CDIN1: variants seen among roughly 807,000 people sequenced by gnomAD.
CDIN1 encodes CDAN1-interacting nuclease 1.
Under a neutral mutation model 45.3 loss-of-function variants are expected in CDIN1, and 33 were observed. The observed-to-expected ratio is 0.73, with a 90% CI of 0.55 to 0.97. CDIN1 has a LOEUF of 0.97. Ranked by LOEUF, CDIN1 falls within the 50% of genes least tolerant of loss-of-function variation. The pLI, the probability that CDIN1 is intolerant of heterozygous loss-of-function variation, is 0.00. For synonymous variants in CDIN1, 118 were observed against 124.4 expected, an observed-to-expected ratio of 0.95 and a Z score of 0.34; for missense variants, 303 against 339.4, an observed-to-expected ratio of 0.89 and a Z score of 0.84.
intron 10 of CDIN1, among the ~76,000 whole-genome samples, chr15:36,741,163 A>G (rs1219060710): frequency 6.6e-6 from 1 of 152,136 alleles, no homozygotes; most frequent in Non-Finnish European, 1.5e-5. Flanking sequence ...GTGACAATTA[A>G]TTCTGTAGTT....
intron 10 of CDIN1, among the ~76,000 whole-genome samples, chr15:36,731,455 G>A (rs1242338513): frequency 6.6e-6 from 1 of 151,982 alleles, no homozygotes; most frequent in Non-Finnish European, 1.5e-5. Flanking sequence ...CTGCATCACC[G>A]ATCTTTTTGA....
At chr15:36,695,987 T>C (rs1267704732) in intron 7 of CDIN1, among the ~76,000 whole-genome samples, 2 of 152,226 alleles carry the variant, frequency 1.3e-5, no homozygotes, top group African/African-American at 4.8e-5. Flanking sequence ...ATAATTTTAA[T>C]ACTTTTTGAG....
intron 3 of CDIN1, among the ~76,000 whole-genome samples, chr15:36,646,202 G>A (rs1326272664): frequency 6.6e-6 from 1 of 152,080 alleles, no homozygotes; most frequent in Non-Finnish European, 1.5e-5. Flanking sequence ...TGATTTTTAT[G>A]CATAAAAATT....
In CDIN1 at chr15:36,734,332, A is replaced by T. The variant is rs75922717; in HGVS notation, c.716+24371A>T. The T allele has an allele frequency of 5.6e-3, 2,387 of 425,660 alleles. 60 individuals are homozygous for T. The highest frequency in any genetic ancestry group is 0.045 in the African/African-American group (2,193 of 48,210). The allele number at this position is 425,660 out of a possible 1,614,324, so 26.4% of individuals were successfully genotyped here. ...TGTTCATCCTTAGAACAATACTAAT[A>T]CTATGTAGTCGGGTATAAGAATTCC... On this transcript the variant is annotated intron_variant, in intron 10 of 10. Transcript: ENST00000566621.
chr15:36,760,254 T>A (rs1037110741), intron 10 of CDIN1, among the ~76,000 whole-genome samples: 3 of 152,180 alleles, frequency 2.0e-5, no homozygotes, highest in African/African-American at 7.2e-5. Context: ...ACATGGAAAG[T>A]ACAATAGCCT....
At chr15:36,768,176 A>G (rs1781200318) in intron 10 of CDIN1, among the ~76,000 whole-genome samples, 1 of 152,160 alleles carries the variant, frequency 6.6e-6, no homozygotes, top group Admixed American at 6.5e-5. Context: ...ATGATAAAGG[A>G]GATGTAATCT....
intron 5 of CDIN1, among the ~76,000 whole-genome samples, chr15:36,676,024 G>A (rs1020154241): frequency 5.3e-5 from 8 of 152,108 alleles, no homozygotes; most frequent in Admixed American, 6.6e-5. Flanking sequence ...TTGAATAGCG[G>A]TGTTTTCCTT....
intron 10 of CDIN1, among the ~76,000 whole-genome samples, chr15:36,790,822 G>A (rs1199452074): frequency 1.3e-5 from 2 of 152,206 alleles, no homozygotes; most frequent in African/African-American, 4.8e-5. Context: ...GTGCCAGTCA[G>A]CACCAATGGC....
chr15:36,589,317 A>T (rs1007906515), intron 1 of CDIN1, among the ~76,000 whole-genome samples: 2 of 152,184 alleles, frequency 1.3e-5, no homozygotes, highest in African/African-American at 4.8e-5. Flanking sequence ...GAAGATAGGT[A>T]AAGAGTAAAT....
At chr15:36,679,417 T>C (rs1358964334) in intron 5 of CDIN1, among the ~76,000 whole-genome samples, 8 of 152,178 alleles carry the variant, frequency 5.3e-5, no homozygotes, top group Admixed American at 4.6e-4. Context: ...CCAATGTTAT[T>C]CTCTTTTACA....
At chr15:36,687,362 G>C (rs2042097334) in intron 5 of CDIN1, among the ~76,000 whole-genome samples, 2 of 151,868 alleles carry the variant, frequency 1.3e-5, no homozygotes, top group Admixed American at 6.6e-5. Flanking sequence ...AAGAAATGGG[G>C]AAATTAGTAC....
intron 1 of CDIN1, among the ~76,000 whole-genome samples, chr15:36,585,382 G>T (rs2037247956): frequency 6.6e-6 from 1 of 152,156 alleles, no homozygotes; most frequent in Non-Finnish European, 1.5e-5. Flanking sequence ...AATGTCTTAA[G>T]TCATTTCCAA....
At chr15:36,604,456 C>CACAA (rs1241807342) in intron 1 of CDIN1, among the ~76,000 whole-genome samples, 1 of 151,208 alleles carries the variant, frequency 6.6e-6, no homozygotes, top group African/African-American at 2.4e-5. Context: ...CACACACACA[C>CACAA]ATTTTAGAGT....
intron 1 of CDIN1, among the ~76,000 whole-genome samples, chr15:36,589,470 G>T (rs986034905): frequency 2.0e-5 from 3 of 151,816 alleles, no homozygotes; most frequent in Non-Finnish European, 1.5e-5. Context: ...AGCTGCTAGG[G>T]TGAAACTCCT....
chr15:36,639,160 G>C (rs1333882414), intron 1 of CDIN1, among the ~76,000 whole-genome samples: 2 of 151,864 alleles, frequency 1.3e-5, no homozygotes, highest in Non-Finnish European at 2.9e-5. Context: ...GTAGTTGAAA[G>C]CCTGGGGCAG....
At chr15:36,642,837 T>C (rs1364387808) in intron 1 of CDIN1, among the ~76,000 whole-genome samples, 1 of 152,210 alleles carries the variant, frequency 6.6e-6, no homozygotes, top group African/African-American at 2.4e-5. Flanking sequence ...GTTAATAATA[T>C]ACATGGTTGC....
At chr15:36,710,319 A>G (rs943704761) in intron 10 of CDIN1, among the ~76,000 whole-genome samples, 3 of 152,170 alleles carry the variant, frequency 2.0e-5, no homozygotes, top group African/African-American at 7.2e-5. Flanking sequence ...CTCAGACCTT[A>G]AAATAATTTA....
intron 8 of CDIN1, chr15:36,705,827 T>G (rs776889971): frequency 7.9e-5 from 12 of 152,156 alleles, no homozygotes; most frequent in Non-Finnish European, 1.5e-4. Context: ...AGTTGCTGAA[T>G]AAGACACATA....
intron 10 of CDIN1, among the ~76,000 whole-genome samples, chr15:36,713,381 T>G (rs1394583069): frequency 6.6e-6 from 1 of 152,060 alleles, no homozygotes; most frequent in Non-Finnish European, 1.5e-5. Context: ...CAAAGTGCAC[T>G]TTGTTGATAT....
Sources: allele counts gnomAD v4.1 joint callset (sites outside exome capture counted in the v4.1 genomes callset), GRCh38; gene constraint gnomAD v4.1.1; transcripts MANE v1.5; gene names NCBI Gene and HGNC (gene_info 2026-07-23, HGNC 2026-07-21).